The following FGF14 variants were observed in gnomAD, a reference collection of about 807,000 sequenced individuals.
FGF14 encodes fibroblast growth factor 14.
In FGF14, 5 loss-of-function variants were observed where a neutral mutation model predicts 25.5. The observed-to-expected ratio is 0.20, with a 90% CI of 0.10 to 0.41. The LOEUF is 0.41. FGF14 is among the 10% of genes least tolerant of loss of function. The pLI, the probability that FGF14 is intolerant of heterozygous loss-of-function variation, is 1.00. For missense variants in FGF14, 222 were observed against 320.1 expected (o/e 0.69, Z 2.34); for synonymous variants, 138 against 118.3 (o/e 1.17, Z -1.08).
At chr13:101,869,551 T>C (rs2044932289) in intron 2 of FGF14, among the ~76,000 whole-genome samples, 1 of 152,212 alleles carries the variant, frequency 6.6e-6, no homozygotes, top group East Asian at 1.9e-4. Flanking sequence ...GTGCTGCATG[T>C]TGAATGTTTA....
At chr13:101,905,883 CT>C (rs1419082728) in intron 1 of FGF14, among the ~76,000 whole-genome samples, 2 of 152,116 alleles carry the variant, frequency 1.3e-5, no homozygotes, top group Admixed American at 1.3e-4. Context: ...AATACTACCC[CT>C]GACCACTATG....
At chr13:102,178,250 T>G (rs755430382) in intron 1 of FGF14, among the ~76,000 whole-genome samples, 1 of 152,038 alleles carries the variant, frequency 6.6e-6, no homozygotes, top group Admixed American at 6.6e-5. Flanking sequence ...AAACCAAAAC[T>G]TTCCAAAGTG....
At chr13:102,110,372 G>A (rs1029903979) in intron 1 of FGF14, among the ~76,000 whole-genome samples, 3 of 152,028 alleles carry the variant, frequency 2.0e-5, no homozygotes, top group Non-Finnish European at 4.4e-5. Context: ...ACCAAAAAAC[G>A]ATGCACAGCT....
intron 1 of FGF14, among the ~76,000 whole-genome samples, chr13:102,154,034 T>C (rs1177165197): frequency 6.6e-6 from 1 of 152,178 alleles, no homozygotes; most frequent in East Asian, 1.9e-4. Flanking sequence ...GTTATCCAAC[T>C]TCAGTATCTC....
In FGF14 at chr13:102,171,892, GTTTTT is replaced by G. The variant is rs11354485; in HGVS notation, c.208+229574_208+229578del. On this transcript the variant is annotated intron_variant, in intron 1 of 4. Coordinates refer to the FGF14 transcript ENST00000376131. ...AACACAAAATCTTTAAATATTCTAG[GTTTTT>G]TTTTTTTTGCTGTTCTGTATATTTT... Among the ~76,000 whole-genome samples the G allele has an allele frequency of 6.2e-5, 9 of 145,902 alleles. No individual in the cohort carries two copies. The East Asian group carries it at 1.2e-3, about 19-fold the overall frequency.
At chr13:102,303,013 T>C (rs906697757) in intron 1 of FGF14, among the ~76,000 whole-genome samples, 1 of 152,182 alleles carries the variant, frequency 6.6e-6, no homozygotes, top group Non-Finnish European at 1.5e-5. Flanking sequence ...AAGTCCTAAA[T>C]GAGCTGCCCC....
chr13:101,862,520 C>A lies in FGF14; in HGVS notation c.408+6205G>T, dbSNP rs191176396. Among the ~76,000 whole-genome samples, 1,010 of 152,138 alleles carry A rather than the reference C, an allele frequency of 6.6e-3. 9 individuals carry two copies. Among genetic ancestry groups the A allele is most frequent in the South Asian group, 0.016 (79 of 4,824 alleles). ...AAAAAAATTGGATATTCCATAATTT[C>A]TGTTGTCCAAAAGATGATTTATAAC... On this transcript the variant is annotated intron_variant, in intron 3 of 4. Transcript: ENST00000376143.
intron 1 of FGF14, among the ~76,000 whole-genome samples, chr13:102,329,218 T>C (rs2056559466): frequency 6.6e-6 from 1 of 152,204 alleles, no homozygotes; most frequent in African/African-American, 2.4e-5. Context: ...AACCCACTAT[T>C]TGATCAACTT....
At chr13:102,209,917 T>C (rs1473399566) in intron 1 of FGF14, among the ~76,000 whole-genome samples, 1 of 152,086 alleles carries the variant, frequency 6.6e-6, no homozygotes, top group African/African-American at 2.4e-5. Context: ...AAAACAATTG[T>C]TCTCAGCACT....
At chr13:102,038,061 TA>T (rs1328197185) in intron 1 of FGF14, among the ~76,000 whole-genome samples, 1 of 152,152 alleles carries the variant, frequency 6.6e-6, no homozygotes, top group East Asian at 1.9e-4. Context: ...GAGAGATTGC[TA>T]AAAAGTCAAA....
At chr13:101,764,815 G>T (rs9518520) in intron 3 of FGF14, among the ~76,000 whole-genome samples, 63,290 of 152,074 alleles carry the variant, frequency 0.42, 14,622 homozygotes, top group Non-Finnish European at 0.52. Context: ...AGTCTCAAAT[G>T]TACTTTTCAT....
intron 1 of FGF14, among the ~76,000 whole-genome samples, chr13:102,320,455 C>T (rs2056202505): frequency 1.3e-5 from 2 of 152,300 alleles, no homozygotes; most frequent in South Asian, 4.1e-4. Flanking sequence ...CATATGACTG[C>T]ATCCTGAGTC....
chr13:101,749,992 A>G (rs943216430), intron 3 of FGF14, among the ~76,000 whole-genome samples: 1 of 152,022 alleles, frequency 6.6e-6, no homozygotes, highest in Admixed American at 6.6e-5. Flanking sequence ...TAGTGCTCTT[A>G]TGAGGGACTG....
intron 1 of FGF14, among the ~76,000 whole-genome samples, chr13:102,004,200 G>C (rs1358272249): frequency 1.3e-5 from 2 of 152,160 alleles, no homozygotes; most frequent in African/African-American, 4.8e-5. Flanking sequence ...TTAGGAGAGA[G>C]GGAAAGGGAC....
At chr13:102,296,576 C>G (rs935115885) in intron 1 of FGF14, among the ~76,000 whole-genome samples, 1 of 152,144 alleles carries the variant, frequency 6.6e-6, no homozygotes, top group African/African-American at 2.4e-5. Context: ...ACAGATTCAA[C>G]TAAAACTGAA....
intron 1 of FGF14, among the ~76,000 whole-genome samples, chr13:101,948,279 C>T (rs935611579): frequency 6.6e-6 from 1 of 151,738 alleles, no homozygotes; most frequent in Non-Finnish European, 1.5e-5. Context: ...GTTTCCTTGC[C>T]CAATATATAG....
chr13:101,729,135 C>A (rs574772670), intron 3 of FGF14, among the ~76,000 whole-genome samples: 7 of 151,932 alleles, frequency 4.6e-5, no homozygotes, highest in Non-Finnish European at 8.8e-5. Context: ...GTGAGCTGTG[C>A]CCGTGACTTC....
intron 1 of FGF14, among the ~76,000 whole-genome samples, chr13:101,913,289 G>A (rs2033141851): frequency 6.6e-6 from 1 of 152,094 alleles, no homozygotes; most frequent in Non-Finnish European, 1.5e-5. Context: ...GAGGGTAGAT[G>A]GAGCTGAATC....
intron 1 of FGF14, among the ~76,000 whole-genome samples, chr13:102,213,366 T>A (rs1434545841): frequency 6.6e-6 from 1 of 152,236 alleles, no homozygotes; most frequent in Non-Finnish European, 1.5e-5. Flanking sequence ...GAACATTCCT[T>A]TCACTTGTGA....
Sources: allele counts gnomAD v4.1 joint callset (sites outside exome capture counted in the v4.1 genomes callset), GRCh38; gene constraint gnomAD v4.1.1; transcripts MANE v1.5; gene names NCBI Gene and HGNC (gene_info 2026-07-23, HGNC 2026-07-21).